MPV17: variants seen among roughly 807,000 people sequenced by gnomAD.
MPV17 encodes MPV17, mitochondrial inner membrane protein.
Under a neutral mutation model 28.6 loss-of-function variants are expected in MPV17, and 31 were observed. The ratio of observed to expected loss-of-function variants is 1.08; its 90% confidence interval spans 0.81 to 1.46. MPV17 has a LOEUF of 1.46. Among genes scored for constraint, MPV17 ranks in the 40% most tolerant of loss-of-function variants. The pLI is 0.00. For missense variants in MPV17, 198 were observed against 216.2 expected (o/e 0.92, Z 0.53); for synonymous variants, 87 against 85.3 (o/e 1.02, Z -0.11).
rs564692529 is a variant in MPV17, at chr2:27,309,516, T to C, written c.*396A>G. On this transcript the variant is annotated 3_prime_UTR_variant, in exon 8 of 8. Transcript: ENST00000380044. ...ATTCCGGATTACATATTTAATAACA[T>C]ATTTACTGAGGCACCATATAAAGGG... The C allele has an allele frequency of 1.4e-5, 5 of 348,762 alleles. No homozygotes were observed. In the Admixed American group the frequency reaches 2.2e-4, roughly 15 times the overall value. 21.6% of individuals were successfully genotyped at this position (348,762 alleles called of 1,614,324 possible).
intron 4 of MPV17, 29 bp from the exon 5 acceptor site, chr2:27,312,618 G>A (rs1434404498): frequency 1.2e-6 from 2 of 1,613,446 alleles, no homozygotes; most frequent in Admixed American, 1.7e-5. Context: ...AGTCCTATGA[G>A]TGCTGAAATC....
Position 27,316,264 on chromosome 2 carries a change from C to G in MPV17, c.71-3155G>C, listed in dbSNP as rs1572548165. ...GTCACACAACAAGCTAGAGGCAGAG[C>G]TGGAATGAAAAGCCAAGTCCCTGAC... On this transcript the variant is annotated intron_variant, in intron 2 of 7. Transcript: ENST00000380044. 8 of 1,520,380 alleles carry G rather than the reference C, an allele frequency of 5.3e-6. No homozygotes were observed. The East Asian group carries it at 1.7e-4, about 33-fold the overall frequency. The allele number at this position is 1,520,380 out of a possible 1,614,324, so 94.2% of individuals were successfully genotyped here.
chr2:27,318,303 G>GT (rs1472784025), intron 2 of MPV17, among the ~76,000 whole-genome samples: 1 of 150,202 alleles, frequency 6.7e-6, no homozygotes, highest in Non-Finnish European at 1.5e-5. Context: ...CTGACCTCAG[G>GT]TTATCCACCC....
intron 2 of MPV17, chr2:27,315,734 G>T (rs556494968): frequency 2.6e-5 from 6 of 234,042 alleles, no homozygotes; most frequent in Admixed American, 5.9e-5. Flanking sequence ...GCTGATTTTT[G>T]TATTTTTAGT....
chr2:27,312,424 A>T (rs754100850), intron 5 of MPV17, 70 bp downstream of exon 5: 6 of 1,546,668 alleles, frequency 3.9e-6, no homozygotes, highest in Non-Finnish European at 5.4e-6. Flanking sequence ...TTATCCCTGT[A>T]AAACCTGTCT....
In MPV17 at chr2:27,313,073, T is replaced by C. The variant is rs762327729; in HGVS notation, c.107A>G (p.Gln36Arg). The change falls in exon 3 of 8, where the codon CAG becomes CGG. Residue 36 changes from glutamine (Q) to arginine (R), a missense_variant. Physicochemically the swap from Gln to Arg is conservative, Grantham distance 43. Transcript: ENST00000380044. ...LMGLGDIISQ[Q>R]LVERRGLQEH... is the part of the protein sequence containing the mutation. ...CTGCAGACCCCGCCTCTCCACCAGC[T>C]GCTGTGAGATAATGTCACCCAGGCC... The C allele has an allele frequency of 2.5e-6, 4 of 1,614,180 alleles. No homozygotes were observed. Among genetic ancestry groups the C allele is most frequent in the Non-Finnish European group, 3.4e-6 (4 of 1,180,038 alleles).
At chr2:27,312,891 C>A in intron 3 of MPV17, 103 bp downstream of exon 3, 4 of 1,536,968 alleles carry the variant, frequency 2.6e-6, no homozygotes, top group South Asian at 2.2e-5. Flanking sequence ...AAAAAGAGGG[C>A]GGCAGGTTGG....
rs145504851 is a variant in MPV17, at chr2:27,312,151, A to G, written c.408+63T>C. The stretch of plus-strand genomic sequence containing the variant: ...TTTCCCATGTCAGGAGGACCCCCCA[A>G]TCCCAGGACAGTTCTAGACTTAAGG... On this transcript the variant is annotated intron_variant, in intron 6 of 7. Coordinates refer to ENST00000380044, the MANE Select transcript of MPV17 (RefSeq NM_002437.5). The G allele has an allele frequency of 2.3e-3, 3,628 of 1,575,468 alleles. 6 individuals carry two copies. Among genetic ancestry groups the G allele is most frequent in the Non-Finnish European group, 2.9e-3 (3,293 of 1,144,818 alleles).
intron 7 of MPV17, 31 bp downstream of exon 7, chr2:27,311,868 C>G: frequency 6.2e-7 from 1 of 1,612,252 alleles, no homozygotes; most frequent in Non-Finnish European, 8.5e-7. Context: ...CGTGGGTCTT[C>G]CTTGATGGGT....
At chr2:27,312,380 T>C (rs1384318737) in intron 5 of MPV17, 114 bp downstream of exon 5, 1 of 1,429,642 alleles carries the variant, frequency 7.0e-7, no homozygotes, top group Non-Finnish European at 9.9e-7. Context: ...CTCTCCTCCA[T>C]GGCCTGGGGC....
At chr2:27,315,923 G>T (rs1203008025) in intron 2 of MPV17, 1 of 1,444,182 alleles carries the variant, frequency 6.9e-7, no homozygotes, top group Non-Finnish European at 9.1e-7. Flanking sequence ...AGTGCAGTTG[G>T]AACTGAACCC....
At chr2:27,312,348 C>CGCAGGAATGTG in intron 5 of MPV17, 102 bp from the exon 6 acceptor site, 1 of 1,451,908 alleles carries the variant, frequency 6.9e-7, no homozygotes, top group Non-Finnish European at 9.7e-7. Flanking sequence ...AGAGCACATT[C>CGCAGGAATGTG]CTGCACCATA....
At chr2:27,313,729 T>A (rs1392023955) in intron 2 of MPV17, among the ~76,000 whole-genome samples, 1 of 152,072 alleles carries the variant, frequency 6.6e-6, no homozygotes, top group Non-Finnish European at 1.5e-5. Flanking sequence ...CTTTTTTTTT[T>A]AAAGACTGAG....
In MPV17 at chr2:27,312,218, T is replaced by C. The variant is rs199690638; in HGVS notation, c.404A>G (p.Tyr135Cys). Residue 135 changes from tyrosine to cysteine, a missense_variant, in exon 6 of 8, where the codon TAC becomes TGC. By Grantham distance (194) the Tyr-to-Cys change is radical. Coordinates refer to ENST00000380044, the MANE Select transcript of MPV17 (RefSeq NM_002437.5). The part of the protein sequence containing the change: ...RDYPDALITN[Y>C]YLWPAVQLAN... ...AGTTGAGGTGTCAGCTCTTACATAG[T>C]AGTTGGTGATAAGGGCATCAGGATA... The C allele has an allele frequency of 6.2e-6, 10 of 1,614,016 alleles. No individual in the cohort carries two copies. The East Asian group carries it at 1.3e-4, about 22-fold the overall frequency.
chr2:27,318,999 A>T (rs1333359784), intron 2 of MPV17, among the ~76,000 whole-genome samples: 1 of 152,146 alleles, frequency 6.6e-6, no homozygotes, highest in Admixed American at 6.5e-5. Context: ...TTCCGACCTC[A>T]GGTGATCCGC....
At chr2:27,322,683 C>G (rs1374404706) in intron 1 of MPV17, 161 bp from the exon 2 acceptor site, 2 of 640,530 alleles carry the variant, frequency 3.1e-6, no homozygotes, top group Non-Finnish European at 5.6e-6. Context: ...AGCTTCCTGT[C>G]GCAGGAGTCG....
At chr2:27,312,334 TC>T in intron 5 of MPV17, 88 bp from the exon 6 acceptor site, 1 of 1,499,612 alleles carries the variant, frequency 6.7e-7, no homozygotes, top group Non-Finnish European at 9.3e-7. Flanking sequence ...AGACTTGGGT[TC>T]AAAGAGCACA....
intron 2 of MPV17, chr2:27,316,288 A>T: frequency 7.3e-7 from 1 of 1,367,966 alleles, no homozygotes; most frequent in Admixed American, 2.0e-5. Flanking sequence ...CAAGTCCCTG[A>T]CTTCTAGCCC....
At chr2:27,311,245 G>A (rs1292871986) in intron 7 of MPV17, 1 of 226,662 alleles carries the variant, frequency 4.4e-6, no homozygotes, top group African/African-American at 2.3e-5. Context: ...ATTTTCTGTA[G>A]AGATGAGGTC....
Sources: allele counts gnomAD v4.1 joint callset (sites outside exome capture counted in the v4.1 genomes callset), GRCh38; gene constraint gnomAD v4.1.1; transcripts MANE v1.5; gene names NCBI Gene and HGNC (gene_info 2026-07-23, HGNC 2026-07-21).